Variants in SCN2A observed in about 807,000 individuals in gnomAD.
SCN2A encodes sodium channel protein type 2 subunit alpha.
In SCN2A, 20 loss-of-function variants were observed where a neutral mutation model predicts 188.7. That is an observed-to-expected ratio of 0.11 (90% CI 0.07 to 0.15). The LOEUF is 0.15. Among genes scored for constraint, SCN2A ranks in the 10% least tolerant of loss-of-function variants. The probability of loss-of-function intolerance (pLI) is 1.00; values close to 1 mark genes in which losing one functional copy is unlikely to be tolerated. For missense variants in SCN2A, 1,278 were observed against 2,445.0 expected, an observed-to-expected ratio of 0.52 and a Z score of 10.07; for synonymous variants, 804 against 833.1, an observed-to-expected ratio of 0.97 and a Z score of 0.60.
chr2:165,305,772 A>G lies in SCN2A; in HGVS notation c.387-2076A>G, dbSNP rs537975734. On this transcript the variant is annotated intron_variant, in intron 3 of 26. Coordinates refer to ENST00000375437, the MANE Select transcript of SCN2A (RefSeq NM_001040142.2). ...CTGGTAGGCTGAATATATGATAGATATATAAGAAAAGGAAAGATAAGCAGC... is the reference window on the plus strand; with the variant it reads ...CTGGTAGGCTGAATATATGATAGATGTATAAGAAAAGGAAAGATAAGCAGC... 4.3e-4 allele frequency among the ~76,000 whole-genome samples: 65 copies of G among 152,348 alleles called. 1 individual carries two copies. In the South Asian group the frequency reaches 0.012, roughly 28 times the overall value.
chr2:165,320,826 G>A (rs543747201), intron 11 of SCN2A, among the ~76,000 whole-genome samples: 57 of 152,292 alleles, frequency 3.7e-4, no homozygotes, highest in Non-Finnish European at 2.2e-4. Context: ...CTAGGCCTCC[G>A]AGCCTGTGAC....
chr2:165,354,785 G>T, intron 17 of SCN2A, 114 bp downstream of exon 17: 3 of 1,019,078 alleles, frequency 2.9e-6, no homozygotes, highest in Non-Finnish European at 4.3e-6. Context: ...GAAAATATCT[G>T]TCTAGCAATA....
chr2:165,373,875 C>A (rs1261917438), intron 21 of SCN2A, among the ~76,000 whole-genome samples: 1 of 151,846 alleles, frequency 6.6e-6, no homozygotes, highest in Non-Finnish European at 1.5e-5. Flanking sequence ...TTTGTCGTCC[C>A]CTGAGGCACA....
chr2:165,325,001 C>T lies in SCN2A; in HGVS notation c.2016+1501C>T, dbSNP rs544470442. Among the ~76,000 whole-genome samples, 18 of 152,284 alleles carry T rather than the reference C, an allele frequency of 1.2e-4. No homozygotes were observed. In the East Asian group the frequency reaches 3.3e-3, roughly 28 times the overall value. Reference sequence around the variant, plus strand: ...CTAGAGATTCCTGTGCCTACCCAGACCTTTTCAGACCAAACCACTGAGGAG... The same window carrying T: ...CTAGAGATTCCTGTGCCTACCCAGATCTTTTCAGACCAAACCACTGAGGAG... On this transcript the variant is annotated intron_variant, in intron 12 of 26. Transcript: ENST00000375437.
intron 1 of SCN2A, among the ~76,000 whole-genome samples, chr2:165,275,921 G>T (rs1695318947): frequency 1.3e-5 from 2 of 152,084 alleles, no homozygotes; most frequent in Admixed American, 1.3e-4. Flanking sequence ...TTTTAGTAGA[G>T]ACAGGTTTTC....
chr2:165,344,425 A>C (rs1402984546), intron 15 of SCN2A, 130 bp from the exon 16 acceptor site: 1 of 524,252 alleles, frequency 1.9e-6, no homozygotes, highest in Admixed American at 4.9e-5. Flanking sequence ...GTGCACATGT[A>C]CCCTAAAACT....
chr2:165,295,798 A>C lies in SCN2A; in HGVS notation c.-26A>C, dbSNP rs749198393. ...CACTTTCTTATGCAAGGAGCTAAACAGTGATTAAAGGAGCAGGATGAAAAG... is the reference window on the plus strand; with the variant it reads ...CACTTTCTTATGCAAGGAGCTAAACCGTGATTAAAGGAGCAGGATGAAAAG... On this transcript the variant is annotated 5_prime_UTR_variant, in exon 2 of 27. Coordinates refer to ENST00000375437, the MANE Select transcript of SCN2A (RefSeq NM_001040142.2). 2 of 1,613,874 alleles carry C rather than the reference A, an allele frequency of 1.2e-6. No individual in the cohort carries two copies. Among genetic ancestry groups the C allele is most frequent in the Non-Finnish European group, 1.7e-6 (2 of 1,179,988 alleles).
At chr2:165,291,525 T>TTCC (rs1696182781) in intron 1 of SCN2A, among the ~76,000 whole-genome samples, 4 of 58,604 alleles carry the variant, frequency 6.8e-5, no homozygotes, top group South Asian at 7.5e-4. Context: ...CTCTCCTTTC[T>TTCC]TTCCTTCCTT....
rs752078267 is a variant in SCN2A at position 165,389,611 on chromosome 2, C to T, written c.5805C>T (p.Asp1935=). 3.8e-5 allele frequency: 61 copies of T among 1,613,758 alleles called. No homozygotes were observed. Among genetic ancestry groups the T allele is most frequent in the Non-Finnish European group, 4.0e-5 (47 of 1,179,942 alleles). Residue 1935 remains aspartate (D), a synonymous_variant, in exon 27 of 27, where the codon GAC becomes GAT. Coordinates refer to ENST00000375437, the MANE Select transcript of SCN2A (RefSeq NM_001040142.2). This position sits in a 1 kb window ranked among gnomAD's most constrained non-coding sequence, Gnocchi z 4.2. ...AGGTATCAAGTATATACAAGAAAGA[C>T]AAAGGCAAAGAATGTGATGGAACAC... ...VKKVSSIYKK[D]KGKECDGTPI...
chr2:165,324,781 G>C (rs377537670), intron 12 of SCN2A, among the ~76,000 whole-genome samples: 3 of 152,176 alleles, frequency 2.0e-5, no homozygotes, highest in Admixed American at 2.0e-4. Context: ...CCCCAGGTAT[G>C]CTGGTTACTG....
intron 1 of SCN2A, among the ~76,000 whole-genome samples, chr2:165,256,269 T>C (rs56040065): frequency 0.044 from 6,650 of 152,172 alleles, 184 homozygotes; most frequent in East Asian, 0.093. Flanking sequence ...CCTCCCAAAG[T>C]GCTGGGATTA....
At chr2:165,342,803 G>T (rs944107309) in intron 15 of SCN2A, among the ~76,000 whole-genome samples, 9 of 152,192 alleles carry the variant, frequency 5.9e-5, no homozygotes, top group African/African-American at 2.2e-4. Flanking sequence ...TGCGTACAAA[G>T]CTTCCTTGGG....
intron 1 of SCN2A, among the ~76,000 whole-genome samples, chr2:165,274,592 A>G: frequency 6.6e-6 from 1 of 152,240 alleles, no homozygotes; most frequent in East Asian, 1.9e-4. Flanking sequence ...ATGTGTAGCT[A>G]TATCATTTAG....
At chr2:165,365,724 T>G (rs1700692226) in intron 18 of SCN2A, among the ~76,000 whole-genome samples, 1 of 152,148 alleles carries the variant, frequency 6.6e-6, no homozygotes, top group African/African-American at 2.4e-5. Flanking sequence ...ACATTTAAAT[T>G]TGTCCTTGAC....
intron 1 of SCN2A, among the ~76,000 whole-genome samples, chr2:165,288,398 C>T (rs1274101876): frequency 6.7e-6 from 1 of 148,660 alleles, no homozygotes. Context: ...TCTTGACAGG[C>T]TTTTTTTTTC....
intron 20 of SCN2A, chr2:165,370,602 C>T: frequency 3.3e-6 from 1 of 306,034 alleles, no homozygotes. Context: ...TGCACACTCA[C>T]ATTTCGCAAA....
At chr2:165,257,924 A>G (rs1187038728) in intron 1 of SCN2A, among the ~76,000 whole-genome samples, 2 of 152,122 alleles carry the variant, frequency 1.3e-5, no homozygotes, top group Admixed American at 6.5e-5. Flanking sequence ...TCTTCTTGAC[A>G]TGTATGTCAC....
chr2:165,329,437 T>C (rs898560421), intron 13 of SCN2A, among the ~76,000 whole-genome samples: 1 of 152,178 alleles, frequency 6.6e-6, no homozygotes, highest in African/African-American at 2.4e-5. Context: ...GCTGCAGTTC[T>C]CTCCTGAATG....
intron 3 of SCN2A, among the ~76,000 whole-genome samples, chr2:165,304,720 C>T (rs1296388849): frequency 6.6e-6 from 1 of 152,066 alleles, no homozygotes; most frequent in Non-Finnish European, 1.5e-5. Flanking sequence ...AAGTCAGAAA[C>T]AGCATATAAA....
Sources: allele counts gnomAD v4.1 joint callset (sites outside exome capture counted in the v4.1 genomes callset), GRCh38; gene constraint gnomAD v4.1.1; non-coding constraint Gnocchi (gnomAD v3.1); transcripts MANE v1.5; gene names NCBI Gene and HGNC (gene_info 2026-07-23, HGNC 2026-07-21).